PPIL4: variants seen among roughly 807,000 people sequenced by gnomAD.
PPIL4 encodes the protein peptidyl-prolyl cis-trans isomerase-like 4.
A neutral mutation model predicts 69.1 loss-of-function variants in PPIL4; 50 were observed. The ratio of observed to expected loss-of-function variants is 0.72; its 90% CI spans 0.58 to 0.92. The LOEUF is 0.92. Ranked by LOEUF, PPIL4 falls within the 40% of genes least tolerant of loss-of-function variation. The probability of loss-of-function intolerance (pLI) is 0.00; values close to 1 mark genes in which losing one functional copy is unlikely to be tolerated. For synonymous variants in PPIL4, 193 were observed against 191.6 expected (o/e 1.01, Z -0.06); for missense variants, 480 against 587.9 (o/e 0.82, Z 1.90).
At chr6:149,544,207 A>G (rs1341220535) in intron 1 of PPIL4, among the ~76,000 whole-genome samples, 1 of 152,186 alleles carries the variant, frequency 6.6e-6, no homozygotes, top group East Asian at 1.9e-4. Flanking sequence ...CTCAAAGAAA[A>G]GCAAAATCAA....
In PPIL4 at chr6:149,504,837, A is replaced by G. The variant is rs1019031323; in HGVS notation, c.*616T>C. ...TTTCAACAGCAAAAACAAATAAACA[A>G]AACTCAAATGTCCATCAAGAATGAA... On this transcript the variant is annotated 3_prime_UTR_variant, in exon 13 of 13. Coordinates refer to ENST00000253329, the MANE Select transcript of PPIL4 (RefSeq NM_139126.4). The G allele has an allele frequency of 2.0e-5, 3 of 152,258 alleles. No homozygotes were observed. The highest frequency in any genetic ancestry group is 7.2e-5 in the African/African-American group (3 of 41,472). The allele number at this position is 152,258 out of a possible 1,614,324, so 9.4% of individuals were successfully genotyped here. A position where few individuals can be genotyped will look rare whatever the true frequency, so the allele number is the denominator to read the frequency against.
At chr6:149,516,343 T>G (rs1218145749) in intron 11 of PPIL4, among the ~76,000 whole-genome samples, 1 of 152,216 alleles carries the variant, frequency 6.6e-6, no homozygotes, top group African/African-American at 2.4e-5. Context: ...CTTCAGACTT[T>G]ATCCAGTTCT....
chr6:149,512,042 AC>A (rs1776852120), intron 12 of PPIL4, 112 bp downstream of exon 12: 1 of 789,078 alleles, frequency 1.3e-6, no homozygotes, highest in Non-Finnish European at 1.9e-6. Context: ...TTAGGAACAA[AC>A]CCATCTCTGC....
chr6:149,530,681 G>C (rs978895897), intron 7 of PPIL4, among the ~76,000 whole-genome samples: 1 of 151,712 alleles, frequency 6.6e-6, no homozygotes, highest in Non-Finnish European at 1.5e-5. Flanking sequence ...AGAAGGGAGG[G>C]CTCTTCCTTA....
intron 1 of PPIL4, among the ~76,000 whole-genome samples, chr6:149,543,143 A>C (rs1295141891): frequency 6.6e-6 from 1 of 152,244 alleles, no homozygotes; most frequent in Non-Finnish European, 1.5e-5. Flanking sequence ...ACCAATTTTA[A>C]CATCACAGAG....
intron 6 of PPIL4, among the ~76,000 whole-genome samples, chr6:149,534,034 C>G (rs1422117913): frequency 6.6e-6 from 1 of 151,962 alleles, no homozygotes; most frequent in East Asian, 1.9e-4. Flanking sequence ...CATGCACCTA[C>G]AATCCCAGCA....
At chr6:149,511,284 G>A (rs552498201) in intron 12 of PPIL4, among the ~76,000 whole-genome samples, 2 of 152,024 alleles carry the variant, frequency 1.3e-5, no homozygotes, top group Admixed American at 6.6e-5. Context: ...ATCCAGGCTG[G>A]AGGGCAGTGG....
chr6:149,542,624 A>AACATGTGTG (rs1777380821), intron 1 of PPIL4, among the ~76,000 whole-genome samples: 1 of 152,078 alleles, frequency 6.6e-6, no homozygotes, highest in African/African-American at 2.4e-5. Flanking sequence ...TCTAATTAAT[A>AACATGTGTG]ACATGTGTGC....
rs1271785720 is a variant in PPIL4 at position 149,505,672 on chromosome 6, A to G, written c.1260T>C (p.Tyr420=). Residue 420 remains tyrosine (Y), a synonymous_variant, in exon 13 of 13, where the codon TAT becomes TAC. Transcript: ENST00000253329. ...TCTCCCAACAGCTTTCTTCTTCTTC[A>G]TAGTGACCAAACCCCATTTCTCTAT... ...DIYREMGFGH[Y]EEEESCWEKQ... is the part of the protein sequence containing the mutation. The G allele has an allele frequency of 2.5e-6, 4 of 1,613,916 alleles. No individual in the cohort carries two copies. The highest frequency in any genetic ancestry group is 2.2e-5 in the East Asian group (1 of 44,870).
intron 4 of PPIL4, 110 bp from the exon 5 acceptor site, chr6:149,535,848 G>T: frequency 1.4e-6 from 1 of 689,724 alleles, no homozygotes; most frequent in Non-Finnish European, 2.4e-6. Context: ...CACATTTACT[G>T]CACCAATTCT....
At chr6:149,538,430 C>G (rs1020665791) in intron 4 of PPIL4, among the ~76,000 whole-genome samples, 1 of 152,044 alleles carries the variant, frequency 6.6e-6, no homozygotes, top group African/African-American at 2.4e-5. Context: ...GTAGAAGGAT[C>G]ACTTGAGCAA....
In PPIL4 at chr6:149,545,104, C is replaced by T. The variant is rs555338332; in HGVS notation, c.70+832G>A. On this transcript the variant is annotated intron_variant, in intron 1 of 12. Coordinates refer to ENST00000253329, the MANE Select transcript of PPIL4 (RefSeq NM_139126.4). ...ACTGACCTAGGCGTATCTGACCACA[C>T]TCGAGTCTACCATTCCACGACTCAC... Among the ~76,000 whole-genome samples, 10 of 152,306 alleles carry T rather than the reference C, an allele frequency of 6.6e-5. No individual in the cohort carries two copies. The South Asian group carries it at 1.2e-3, about 19-fold the overall frequency.
chr6:149,528,058 C>A (rs1483962639), intron 7 of PPIL4, among the ~76,000 whole-genome samples: 2 of 152,126 alleles, frequency 1.3e-5, no homozygotes, highest in Admixed American at 1.3e-4. Context: ...GAGTTTGAGA[C>A]CAGCCCACGC....
intron 10 of PPIL4, among the ~76,000 whole-genome samples, chr6:149,519,601 C>T (rs1235004433): frequency 6.6e-6 from 1 of 152,168 alleles, no homozygotes; most frequent in East Asian, 1.9e-4. Flanking sequence ...GTACATGGAA[C>T]TCCAATCCAA....
At chr6:149,536,751 A>G (rs983059512) in intron 4 of PPIL4, among the ~76,000 whole-genome samples, 7 of 151,838 alleles carry the variant, frequency 4.6e-5, no homozygotes, top group Admixed American at 3.3e-4. Flanking sequence ...AAAAAAAAAA[A>G]AAAGAAAAGA....
intron 11 of PPIL4, chr6:149,517,032 C>T (rs1210754596): frequency 5.9e-6 from 1 of 170,848 alleles, no homozygotes; most frequent in Non-Finnish European, 1.2e-5. Flanking sequence ...AAAGAAAATA[C>T]AAATCTTACC....
At chr6:149,522,724 T>C (rs1398999011) in intron 9 of PPIL4, among the ~76,000 whole-genome samples, 1 of 152,196 alleles carries the variant, frequency 6.6e-6, no homozygotes, top group Non-Finnish European at 1.5e-5. Context: ...GCAATTCTCC[T>C]GCCTCAGTCT....
At chr6:149,530,890 T>C (rs943860718) in intron 7 of PPIL4, among the ~76,000 whole-genome samples, 2 of 152,128 alleles carry the variant, frequency 1.3e-5, no homozygotes, top group Non-Finnish European at 2.9e-5. Context: ...AGATTGTCTA[T>C]TGGAGACACC....
At position 149,546,012 on chromosome 6, in the gene PPIL4, C is replaced by CA; in HGVS notation, c.-8_-7insT. 1 of 1,571,228 alleles carries CA rather than the reference C, an allele frequency of 6.4e-7. No homozygotes were observed. The highest frequency in any genetic ancestry group is 2.4e-5 in the East Asian group (1 of 42,240). On this transcript the variant is annotated 5_prime_UTR_variant, in exon 1 of 13. Coordinates refer to ENST00000253329, the MANE Select transcript of PPIL4 (RefSeq NM_139126.4). ...TCTCCAGTAGAACCGCCATGGCGCC[C>CA]GCTCCTCCTCCGCTACAAACCCCGG...
Sources: allele counts gnomAD v4.1 joint callset (sites outside exome capture counted in the v4.1 genomes callset), GRCh38; gene constraint gnomAD v4.1.1; transcripts MANE v1.5; gene names NCBI Gene and HGNC (gene_info 2026-07-23, HGNC 2026-07-21).